ACSM2A: variants seen among roughly 807,000 people sequenced by gnomAD.
ACSM2A encodes acyl-CoA synthetase medium chain family member 2A, also known as acyl-coenzyme A synthetase ACSM2A, mitochondrial.
ACSM2A carries 72 observed loss-of-function variants against 76.6 expected under a neutral mutation model. The ratio of observed to expected loss-of-function variants is 0.94; its 90% CI spans 0.78 to 1.14. The LOEUF (loss-of-function observed/expected upper bound fraction) is 1.14. ACSM2A is among the 50% of genes most tolerant of loss of function. The pLI is 0.00. For missense variants in ACSM2A, 684 were observed against 708.5 expected (o/e 0.97, Z 0.39); for synonymous variants, 249 against 255.9 (o/e 0.97, Z 0.26).
intron 13 of ACSM2A, among the ~76,000 whole-genome samples, chr16:20,484,457 TA>T (rs2014282935): frequency 8.2e-6 from 1 of 122,226 alleles, no homozygotes; most frequent in Non-Finnish European, 1.7e-5. Context: ...TAGAGTCCCT[TA>T]GATTCTTATG....
rs1248550238 is a variant in ACSM2A, at chr16:20,452,016, G to A, written c.-9+335G>A. The A allele has an allele frequency of 2.0e-5, 3 of 151,234 alleles. 1 individual carries two copies. The highest frequency in any genetic ancestry group is 4.2e-4 in the South Asian group (2 of 4,760). The allele number at this position is 151,234 out of a possible 1,614,324, so 9.4% of individuals were successfully genotyped here. On this transcript the variant is annotated intron_variant, in intron 1 of 13. Transcript: ENST00000573854. ...TTATTATGGAAAAAGAGAGGGACCA[G>A]CAGGTACAAAGGCAATGTGTAGTTC...
At chr16:20,475,992 G>A in intron 8 of ACSM2A, 2 of 1,213,980 alleles carry the variant, frequency 1.6e-6, no homozygotes, top group South Asian at 2.0e-5. Context: ...TGAGATTTGG[G>A]GAGAGAGAAA....
intron 2 of ACSM2A, among the ~76,000 whole-genome samples, chr16:20,462,283 A>G (rs2012668663): frequency 1.3e-5 from 2 of 152,126 alleles, no homozygotes; most frequent in East Asian, 1.9e-4. Flanking sequence ...GACCCCTACC[A>G]TCTACCATAA....
intron 1 of ACSM2A, among the ~76,000 whole-genome samples, chr16:20,458,905 CATATAT>C (rs72108144): frequency 5.6e-4 from 42 of 74,874 alleles, no homozygotes; most frequent in South Asian, 9.7e-4. Context: ...TATATATATG[CATATAT>C]ATATATATAT....
intron 8 of ACSM2A, chr16:20,476,751 A>T: frequency 9.9e-7 from 1 of 1,012,306 alleles, no homozygotes; most frequent in Non-Finnish European, 1.2e-6. Context: ...ATCTGAGAAA[A>T]TGACAATCTA....
Position 20,475,390 on chromosome 16 carries a change from T to C in ACSM2A, c.923T>C (p.Met308Thr). The change falls in exon 7 of 14, where the codon ATG becomes ACG. Residue 308 changes from methionine to threonine, a missense_variant. By Grantham distance (81) the Met-to-Thr change is moderately conservative. Transcript: ENST00000573854. ...KTLSSYPIKS[M>T]MGAPIVYRML... is the part of the protein sequence containing the mutation. ...CTCTCCAGTTATCCAATCAAGAGTA[T>C]GATGGGTGCCCCCATTGTTTACCGG... 2 of 1,613,808 alleles carry C rather than the reference T, an allele frequency of 1.2e-6. No individual in the cohort carries two copies. The highest frequency in any genetic ancestry group is 1.1e-5 in the South Asian group (1 of 91,078).
intron 2 of ACSM2A, among the ~76,000 whole-genome samples, chr16:20,464,160 A>T (rs1304937690): frequency 6.6e-6 from 1 of 152,174 alleles, no homozygotes; most frequent in Non-Finnish European, 1.5e-5. Flanking sequence ...ACAACTATTT[A>T]ACCAGTGCCT....
intron 9 of ACSM2A, 57 bp from the exon 10 acceptor site, chr16:20,478,519 C>A (rs992321688): frequency 1.9e-6 from 3 of 1,574,206 alleles, no homozygotes; most frequent in Non-Finnish European, 2.6e-6. Context: ...TCTCATGATG[C>A]CATTGAAGCC....
At position 20,471,143 on chromosome 16, in the gene ACSM2A, G is replaced by A; in HGVS notation, c.667G>A (p.Gly223Arg). 6.2e-7 allele frequency: 1 copy of A among 1,613,446 alleles called. No homozygotes were observed. Among genetic ancestry groups the A allele is most frequent in the Non-Finnish European group, 8.5e-7 (1 of 1,179,488 alleles). Reference sequence around the variant, plus strand: ...AGCATCTGCCATCTACTTCACTAGTGGGACCAGTGGTCTTCCCAAGATGGC... The same window carrying A: ...AGCATCTGCCATCTACTTCACTAGTAGGACCAGTGGTCTTCCCAAGATGGC... ...QEASAIYFTS[G>R]TSGLPKMAEH... The change falls in exon 5 of 14, where the codon GGG (glycine) becomes AGG (arginine). Residue 223 changes from glycine to arginine, a missense_variant. Around this residue, in one of 3 missense-constraint regions of ACSM2A, gnomAD observed 519 missense variants for 549.5 expected, o/e 0.94. Coordinates refer to ENST00000573854, the MANE Select transcript of ACSM2A (RefSeq NM_001308172.2).
chr16:20,462,441 C>T (rs1253549704), intron 2 of ACSM2A, among the ~76,000 whole-genome samples: 3 of 152,126 alleles, frequency 2.0e-5, no homozygotes, highest in African/African-American at 7.2e-5. Context: ...TTGGTCTATG[C>T]CCAGGAATGA....
chr16:20,477,514 T>G, intron 9 of ACSM2A, 65 bp downstream of exon 9: 3 of 1,548,642 alleles, frequency 1.9e-6, no homozygotes, highest in Non-Finnish European at 2.6e-6. Context: ...GATTTATGTT[T>G]TCCATTGTTT....
rs2013401882 is a variant in ACSM2A, at chr16:20,471,522, G to T, written c.741-14G>T. The T allele has an allele frequency of 6.2e-7, 1 of 1,606,684 alleles. No individual in the cohort carries two copies. Among genetic ancestry groups the T allele is most frequent in the Non-Finnish European group, 8.5e-7 (1 of 1,175,968 alleles). The stretch of plus-strand genomic sequence containing the variant: ...ACCCACCTATATGTACATGTGTTTT[G>T]TCTGTGTTTTCAGTTGGACAGGCCT... On this transcript the variant is annotated splice_polypyrimidine_tract_variant and intron_variant, in intron 5 of 13. Coordinates refer to ENST00000573854, the MANE Select transcript of ACSM2A (RefSeq NM_001308172.2).
chr16:20,452,262 C>A (rs1361585036), intron 1 of ACSM2A: 1 of 151,720 alleles, frequency 6.6e-6, no homozygotes, highest in African/African-American at 2.4e-5. Context: ...GGGTAGGAAC[C>A]ACCTAATCCA....
At chr16:20,466,082 G>A (rs2012977848) in intron 3 of ACSM2A, among the ~76,000 whole-genome samples, 1 of 151,864 alleles carries the variant, frequency 6.6e-6, no homozygotes, top group Admixed American at 6.6e-5. Flanking sequence ...TGACCTGCAG[G>A]CCAAATCCTG....
intron 2 of ACSM2A, among the ~76,000 whole-genome samples, chr16:20,460,534 G>T (rs1017238539): frequency 6.6e-6 from 1 of 152,088 alleles, no homozygotes; most frequent in African/African-American, 2.4e-5. Context: ...CACACAGTTT[G>T]TTTACACTAT....
chr16:20,456,930 A>G (rs1315394992), intron 1 of ACSM2A, among the ~76,000 whole-genome samples: 1 of 151,724 alleles, frequency 6.6e-6, no homozygotes. Flanking sequence ...AAAAAGAACA[A>G]AGAAAATCCA....
chr16:20,471,346 C>G (rs1596660075), intron 5 of ACSM2A, 130 bp downstream of exon 5: 15 of 1,505,308 alleles, frequency 1.0e-5, no homozygotes, highest in Non-Finnish European at 1.2e-5. Context: ...CCTGTTGATA[C>G]AGGATGTGTG....
intron 1 of ACSM2A, among the ~76,000 whole-genome samples, chr16:20,455,249 C>A (rs2141678937): frequency 6.6e-6 from 1 of 150,886 alleles, no homozygotes; most frequent in East Asian, 2.0e-4. Flanking sequence ...GAAAACTTTC[C>A]CAGCCTTGCT....
chr16:20,460,036 T>G (rs1478501846), intron 1 of ACSM2A, 71 bp from the exon 2 acceptor site: 5 of 1,469,086 alleles, frequency 3.4e-6, no homozygotes, highest in Middle Eastern at 1.9e-4. Context: ...ATGAATCTCC[T>G]GAAGCTGCTG....
Sources: allele counts gnomAD v4.1 joint callset (sites outside exome capture counted in the v4.1 genomes callset), GRCh38; gene constraint gnomAD v4.1.1; regional missense constraint gnomAD v4.1.1; transcripts MANE v1.5; gene names NCBI Gene and HGNC (gene_info 2026-07-23, HGNC 2026-07-21).